The following TVP23A variants were observed in gnomAD, a reference collection of about 807,000 sequenced individuals.
The protein encoded by TVP23A is Golgi apparatus membrane protein TVP23 homolog A.
TVP23A carries 21 observed loss-of-function variants against 31.7 expected under a neutral mutation model. The ratio of observed to expected loss-of-function variants is 0.66; its 90% CI spans 0.47 to 0.95. TVP23A has a LOEUF of 0.95. Ranked by LOEUF, TVP23A falls within the 40% of genes least tolerant of loss-of-function variation. TVP23A has a pLI of 0.00. For synonymous variants in TVP23A, 104 were observed against 96.0 expected (o/e 1.08, Z -0.49); for missense variants, 279 against 255.6 (o/e 1.09, Z -0.62).
At chr16:10,813,726 C>T (rs1209904319) in intron 2 of TVP23A, among the ~76,000 whole-genome samples, 5 of 152,172 alleles carry the variant, frequency 3.3e-5, no homozygotes, top group African/African-American at 1.2e-4. Context: ...CCTTTCTAGG[C>T]CGGGCATGGT....
chr16:10,807,635 A>G (rs1228368312), intron 2 of TVP23A, among the ~76,000 whole-genome samples: 1 of 152,164 alleles, frequency 6.6e-6, no homozygotes, highest in Non-Finnish European at 1.5e-5. Context: ...ACCACATAGA[A>G]TGATCTGCCT....
At chr16:10,787,776 CTCATA>C (rs911142808) in intron 2 of TVP23A, among the ~76,000 whole-genome samples, 5 of 152,070 alleles carry the variant, frequency 3.3e-5, no homozygotes, top group African/African-American at 1.2e-4. Flanking sequence ...AAATTCACTC[CTCATA>C]TGTGTCAGTG....
intron 2 of TVP23A, 31 bp from the exon 3 acceptor site, chr16:10,775,127 C>G (rs1463703754): frequency 6.3e-7 from 1 of 1,591,126 alleles, no homozygotes; most frequent in Admixed American, 1.8e-5. Context: ...CGCCCTCACT[C>G]CAAGAGCTAA....
chr16:10,778,709 T>C (rs1227837136), intron 2 of TVP23A, among the ~76,000 whole-genome samples: 1 of 150,656 alleles, frequency 6.6e-6, no homozygotes, highest in Non-Finnish European at 1.5e-5. Flanking sequence ...CCCATGCCTA[T>C]AATCCCAGCA....
chr16:10,798,434 G>A (rs552457867), intron 2 of TVP23A, among the ~76,000 whole-genome samples: 5 of 152,110 alleles, frequency 3.3e-5, no homozygotes, highest in Middle Eastern at 3.2e-3. Context: ...CAGTGGACAC[G>A]GTAGATACCC....
downstream of TVP23A, chr16:10,757,768 AC>A: frequency 7.0e-7 from 1 of 1,430,846 alleles, no homozygotes; most frequent in African/African-American, 1.4e-5. The surrounding 1 kb of genome is among the most constrained non-coding windows in gnomAD (Gnocchi z 4.1). Flanking sequence ...TTAAGAGCCA[AC>A]CTGGGCAACA....
intron 2 of TVP23A, among the ~76,000 whole-genome samples, chr16:10,813,999 C>CAAAAAAAAAAA (rs201277067): frequency 2.0e-5 from 1 of 49,530 alleles, no homozygotes; most frequent in Non-Finnish European, 5.7e-5. Flanking sequence ...AACTCCATCT[C>CAAAAAAAAAAA]AAAAAAAAAA....
Position 10,766,856 on chromosome 16 carries a change from G to A in TVP23A, c.*2246C>T, listed in dbSNP as rs550677303. 320 of 398,194 alleles carry A rather than the reference G, an allele frequency of 8.0e-4. No homozygotes were observed. The highest frequency in any genetic ancestry group is 6.2e-3 in the African/African-American group (303 of 48,720). 24.7% of individuals were successfully genotyped at this position (398,194 alleles called of 1,614,324 possible). A position where few individuals can be genotyped will look rare whatever the true frequency, so the allele number is the denominator to read the frequency against. ...GAAGTAAAGTTACAAAGTCATTTAC[G>A]GCATACGTCCTATGGAGAGGACATT... On this transcript the variant is annotated 3_prime_UTR_variant, in exon 8 of 8. Coordinates refer to ENST00000299866, the MANE Select transcript of TVP23A (RefSeq NM_001079512.4). The surrounding 1 kb of genome is among the most constrained non-coding windows in gnomAD (Gnocchi z 4.8).
At chr16:10,814,940 C>T (rs1198636855) in intron 2 of TVP23A, among the ~76,000 whole-genome samples, 1 of 152,164 alleles carries the variant, frequency 6.6e-6, no homozygotes, top group Non-Finnish European at 1.5e-5. Context: ...CACATGGAAC[C>T]ACCCTAAATT....
exon 9 of TVP23A, chr16:10,761,556 A>G: frequency 2.5e-6 from 3 of 1,222,062 alleles, no homozygotes; most frequent in Non-Finnish European, 3.5e-6. Context: ...TCTGCAAACT[A>G]TTTCTGCTTT....
intron 3 of TVP23A, among the ~76,000 whole-genome samples, chr16:10,774,657 C>G (rs906731671): frequency 6.8e-6 from 1 of 147,524 alleles, no homozygotes; most frequent in Non-Finnish European, 1.5e-5. Flanking sequence ...GTCACCCAGG[C>G]TGGAGTGCAA....
chr16:10,774,316 T>G (rs1371198511), intron 3 of TVP23A, among the ~76,000 whole-genome samples, 188 bp from the exon 4 acceptor site: 1 of 152,186 alleles, frequency 6.6e-6, no homozygotes, highest in Non-Finnish European at 1.5e-5. Context: ...CTTTAAAAAG[T>G]TACACACTCC....
chr16:10,780,621 G>A (rs1374202746), intron 2 of TVP23A, among the ~76,000 whole-genome samples: 1 of 152,108 alleles, frequency 6.6e-6, no homozygotes, highest in African/African-American at 2.4e-5. Flanking sequence ...TCTCTGAGTA[G>A]CTCTGTGGTC....
At chr16:10,785,622 GACA>G (rs1303328579) in intron 2 of TVP23A, among the ~76,000 whole-genome samples, 1 of 152,208 alleles carries the variant, frequency 6.6e-6, no homozygotes, top group African/African-American at 2.4e-5. Flanking sequence ...AGGAGATCCT[GACA>G]ACATGTGTCC....
chr16:10,762,439 G>T (rs2030072370), downstream of TVP23A, among the ~76,000 whole-genome samples: 1 of 152,200 alleles, frequency 6.6e-6, no homozygotes, highest in South Asian at 2.1e-4. Context: ...GAGGGACGGG[G>T]TTTCACGTCT....
chr16:10,770,897 T>G (rs1229514596), intron 6 of TVP23A, among the ~76,000 whole-genome samples: 1 of 105,774 alleles, frequency 9.5e-6, no homozygotes, highest in Non-Finnish European at 2.0e-5. Context: ...AAAAAAAAAA[T>G]TGAAAAACCG....
At position 10,818,399 on chromosome 16, in the gene TVP23A, C is replaced by G. The variant is rs866062011; in HGVS notation, c.9+86G>C. On this transcript the variant is annotated intron_variant, in intron 1 of 7. Transcript: ENST00000299866. The surrounding 1 kb of genome is among the most constrained non-coding windows in gnomAD (Gnocchi z 4.7). ...CCCAGCCCCAGGCCCCGGCGCATCC[C>G]TCCTCCTCCTCCCGGCTTCTCCAGC... 1.3e-6 allele frequency: 2 copies of G among 1,520,580 alleles called. No homozygotes were observed. Among genetic ancestry groups the G allele is most frequent in the Admixed American group, 3.7e-5 (2 of 53,718 alleles). 94.2% of individuals were successfully genotyped at this position (1,520,580 alleles called of 1,614,324 possible).
chr16:10,788,928 A>G (rs1048991815), intron 2 of TVP23A, among the ~76,000 whole-genome samples: 34 of 152,214 alleles, frequency 2.2e-4, no homozygotes, highest in African/African-American at 8.2e-4. Flanking sequence ...GCATGGGAAC[A>G]TGATGGCAAT....
At chr16:10,805,076 C>G (rs145495657) in intron 2 of TVP23A, among the ~76,000 whole-genome samples, 2,272 of 152,140 alleles carry the variant, frequency 0.015, 27 homozygotes, top group Middle Eastern at 0.041. Context: ...CTCGCTCTGT[C>G]GCCCAGGCTG....
Sources: gnomAD v4.1 joint callset for allele counts (sites outside exome capture counted in the v4.1 genomes callset) on GRCh38, gnomAD v4.1.1 for gene constraint, Gnocchi (gnomAD v3.1) non-coding constraint, MANE v1.5 for transcripts, NCBI Gene and HGNC (gene_info 2026-07-23, HGNC 2026-07-21) for gene names.